The following SLC6A5 variants were observed in gnomAD, a reference collection of about 807,000 sequenced individuals.
SLC6A5 encodes the protein sodium- and chloride-dependent glycine transporter 2.
SLC6A5 carries 58 observed loss-of-function variants against 90.5 expected under a neutral mutation model. That is an observed-to-expected ratio of 0.64 (90% CI 0.52 to 0.80). The LOEUF is 0.80. Ranked by LOEUF, SLC6A5 falls within the 30% of genes least tolerant of loss-of-function variation. The pLI is 0.00. For missense variants in SLC6A5, 1,015 were observed against 1,017.6 expected (o/e 1.00, Z 0.03); for synonymous variants, 427 against 401.4 (o/e 1.06, Z -0.76).
At chr11:20,618,002 C>A in intron 7 of SLC6A5, 118 bp downstream of exon 7, 3 of 1,052,458 alleles carry the variant, frequency 2.9e-6, no homozygotes, top group South Asian at 1.3e-5. Context: ...TCTGACTCTG[C>A]CCTGGAGCAG....
At chr11:20,644,958 T>A (rs1853383041) in intron 13 of SLC6A5, among the ~76,000 whole-genome samples, 1 of 151,354 alleles carries the variant, frequency 6.6e-6, no homozygotes, top group African/African-American at 2.4e-5. Context: ...ATTACAGGCA[T>A]GCGTCACCAT....
intron 2 of SLC6A5, among the ~76,000 whole-genome samples, chr11:20,603,822 GT>G (rs577253979): frequency 6.6e-6 from 1 of 151,504 alleles, no homozygotes; most frequent in Admixed American, 6.6e-5. Context: ...TGTGGTGAAG[GT>G]TTTTTTTTGT....
chr11:20,654,183 G>A (rs556312349), intron 15 of SLC6A5, among the ~76,000 whole-genome samples: 1 of 152,138 alleles, frequency 6.6e-6, no homozygotes, highest in South Asian at 2.1e-4. Context: ...TAAAATCTTT[G>A]CTCACTCTTG....
chr11:20,653,452 G>T (rs1270913664), intron 15 of SLC6A5, among the ~76,000 whole-genome samples: 1 of 152,168 alleles, frequency 6.6e-6, no homozygotes, highest in Non-Finnish European at 1.5e-5. Context: ...TTTGCTGTTG[G>T]TCTGATGGGT....
chr11:20,629,983 A>C (rs888700067), intron 9 of SLC6A5, among the ~76,000 whole-genome samples: 4 of 152,154 alleles, frequency 2.6e-5, no homozygotes, highest in African/African-American at 9.7e-5. Context: ...TTGGCCTCCC[A>C]AAGTGCCGGG....
chr11:20,629,217 G>A (rs1853060506), intron 9 of SLC6A5: 1 of 152,164 alleles, frequency 6.6e-6, no homozygotes, highest in African/African-American at 2.4e-5. Flanking sequence ...GATGAAGGTA[G>A]AGACACTGGG....
chr11:20,652,748 C>G (rs1249982347), intron 15 of SLC6A5, among the ~76,000 whole-genome samples: 4 of 152,170 alleles, frequency 2.6e-5, no homozygotes, highest in Admixed American at 2.6e-4. Flanking sequence ...GTTTCCTCTT[C>G]CTCTCCCCTT....
At chr11:20,646,969 A>G (rs754327838) in intron 14 of SLC6A5, 35 bp downstream of exon 14, 33 of 1,299,142 alleles carry the variant, frequency 2.5e-5, no homozygotes, top group Non-Finnish European at 3.6e-5. Flanking sequence ...TGCAGACAGC[A>G]CCTTGCATAC....
At chr11:20,646,168 T>A (rs1853411005) in intron 13 of SLC6A5, among the ~76,000 whole-genome samples, 1 of 152,180 alleles carries the variant, frequency 6.6e-6, no homozygotes, top group African/African-American at 2.4e-5. Context: ...ACCAAGAGGG[T>A]GCAGGGATGG....
chr11:20,643,505 C>T (rs183518720), intron 13 of SLC6A5, among the ~76,000 whole-genome samples: 10 of 152,234 alleles, frequency 6.6e-5, no homozygotes, highest in East Asian at 5.8e-4. Flanking sequence ...TTGACCTCTC[C>T]GGAAAAGCCT....
chr11:20,646,748 A>C, intron 13 of SLC6A5, 86 bp from the exon 14 acceptor site: 1 of 887,998 alleles, frequency 1.1e-6, no homozygotes, highest in South Asian at 1.3e-5. Context: ...ATGGTGCTTG[A>C]GTGAGGGGCT....
At chr11:20,635,948 G>A (rs11025670) in intron 10 of SLC6A5, among the ~76,000 whole-genome samples, 44,597 of 152,068 alleles carry the variant, frequency 0.29, 6,811 homozygotes, top group Middle Eastern at 0.35. Flanking sequence ...TACTACTGCT[G>A]TAAAGGCTAA....
At chr11:20,608,840 G>T (rs3898548) in intron 5 of SLC6A5, among the ~76,000 whole-genome samples, 5 of 151,664 alleles carry the variant, frequency 3.3e-5, no homozygotes, top group Non-Finnish European at 5.9e-5. Flanking sequence ...CTTCCCTCTC[G>T]CAGACCCAGA....
chr11:20,613,073 C>CTATTCACATTGGATTG (rs1290018312), intron 5 of SLC6A5, among the ~76,000 whole-genome samples: 2 of 152,148 alleles, frequency 1.3e-5, no homozygotes, highest in African/African-American at 4.8e-5. Flanking sequence ...TTTATAATCC[C>CTATTCACATTGGATTG]TGCTCCCTAT....
chr11:20,619,179 C>T (rs1015126386), intron 7 of SLC6A5, among the ~76,000 whole-genome samples: 4 of 152,144 alleles, frequency 2.6e-5, no homozygotes, highest in Non-Finnish European at 5.9e-5. Context: ...AGGATTTCTG[C>T]GATTATGTTA....
intron 13 of SLC6A5, among the ~76,000 whole-genome samples, chr11:20,639,418 A>C (rs572835082): frequency 6.6e-6 from 1 of 152,284 alleles, no homozygotes; most frequent in African/African-American, 2.4e-5. Context: ...TTCAGATCCC[A>C]AAAGAGACAG....
At chr11:20,605,845 A>G (rs1408257835) in intron 3 of SLC6A5, among the ~76,000 whole-genome samples, 2 of 152,166 alleles carry the variant, frequency 1.3e-5, no homozygotes, top group Non-Finnish European at 2.9e-5. Context: ...GCAGAGGAGG[A>G]CTGCACAATC....
At chr11:20,623,286 GAAGT>G (rs142517607) in intron 7 of SLC6A5, among the ~76,000 whole-genome samples, 16,541 of 152,152 alleles carry the variant, frequency 0.11, 973 homozygotes, top group East Asian at 0.2. Context: ...TTTAGAGACA[GAAGT>G]AACTTCCCCA....
At chr11:20,628,915 G>C (rs1297379208) in intron 9 of SLC6A5, among the ~76,000 whole-genome samples, 1 of 152,172 alleles carries the variant, frequency 6.6e-6, no homozygotes, top group African/African-American at 2.4e-5. Flanking sequence ...GGTCAGACAA[G>C]GTGGATCATT....
Sources: allele counts gnomAD v4.1 joint callset (sites outside exome capture counted in the v4.1 genomes callset), GRCh38; gene constraint gnomAD v4.1.1; transcripts MANE v1.5; gene names NCBI Gene and HGNC (gene_info 2026-07-23, HGNC 2026-07-21).